GABRG2: variants seen among roughly 807,000 people sequenced by gnomAD.
The protein encoded by GABRG2 is gamma-aminobutyric acid type A receptor subunit gamma2.
GABRG2 carries 16 observed loss-of-function variants against 56.4 expected under a neutral mutation model. That is an observed-to-expected ratio of 0.28 (90% CI 0.19 to 0.43). The LOEUF (loss-of-function observed/expected upper bound fraction) is 0.43, where lower values mean the gene tolerates loss of function less well. Ranked by LOEUF, GABRG2 falls within the 20% of genes least tolerant of loss-of-function variation. The pLI is 1.00. For missense variants in GABRG2, 327 were observed against 582.7 expected (o/e 0.56, Z 4.52); for synonymous variants, 208 against 205.5 (o/e 1.01, Z -0.10).
intron 1 of GABRG2, among the ~76,000 whole-genome samples, chr5:162,089,332 T>C (rs978338442): frequency 6.6e-6 from 1 of 152,104 alleles, no homozygotes; most frequent in Non-Finnish European, 1.5e-5. Context: ...CCCTACAGCC[T>C]TGTGAGAATC....
intron 6 of GABRG2, among the ~76,000 whole-genome samples, chr5:162,119,091 A>T (rs892084874): frequency 6.6e-6 from 1 of 152,134 alleles, no homozygotes; most frequent in East Asian, 1.9e-4. Context: ...ACTTTCAGAT[A>T]AGGAATATAG....
At chr5:162,071,788 C>T (rs184447563) in intron 1 of GABRG2, among the ~76,000 whole-genome samples, 22 of 151,958 alleles carry the variant, frequency 1.4e-4, no homozygotes, top group East Asian at 1.4e-3. Flanking sequence ...ATTTCCTCAG[C>T]GTACTAAATT....
intron 7 of GABRG2, among the ~76,000 whole-genome samples, chr5:162,148,467 A>T (rs1290761907): frequency 6.6e-6 from 1 of 152,228 alleles, no homozygotes; most frequent in South Asian, 2.1e-4. Flanking sequence ...AGAGCATGTC[A>T]CTTACACATA....
chr5:162,125,863 TAGAGTATA>T (rs1175070065), intron 6 of GABRG2, among the ~76,000 whole-genome samples: 1 of 151,878 alleles, frequency 6.6e-6, no homozygotes, highest in Non-Finnish European at 1.5e-5. Flanking sequence ...TTTGGAATGC[TAGAGTATA>T]AGAGTATAAG....
chr5:162,134,432 C>T (rs916199974), intron 6 of GABRG2, among the ~76,000 whole-genome samples: 2 of 152,096 alleles, frequency 1.3e-5, no homozygotes, highest in African/African-American at 4.8e-5. Flanking sequence ...ACGTACCATC[C>T]TATGTGCCAG....
intron 6 of GABRG2, among the ~76,000 whole-genome samples, chr5:162,113,438 C>G (rs1762394758): frequency 6.6e-6 from 1 of 152,158 alleles, no homozygotes; most frequent in East Asian, 1.9e-4. Flanking sequence ...AAGTTCTATT[C>G]TCTTAAAATT....
intron 7 of GABRG2, among the ~76,000 whole-genome samples, chr5:162,148,542 G>A (rs1765126017): frequency 6.6e-6 from 1 of 152,124 alleles, no homozygotes; most frequent in African/African-American, 2.4e-5. Context: ...AATGTAAACT[G>A]TCTGCATGTG....
At chr5:162,113,707 A>G (rs1484792687) in intron 6 of GABRG2, among the ~76,000 whole-genome samples, 1 of 152,202 alleles carries the variant, frequency 6.6e-6, no homozygotes. Flanking sequence ...CATTACATCT[A>G]TTGTTCATTG....
chr5:162,093,785 G>T (rs886796453), intron 1 of GABRG2, 43 bp from the exon 2 acceptor site: 2 of 1,582,226 alleles, frequency 1.3e-6, no homozygotes, highest in Admixed American at 3.3e-5. Context: ...AAGTCAACTT[G>T]TGTGTAATCT....
intron 1 of GABRG2, among the ~76,000 whole-genome samples, chr5:162,079,995 C>T (rs1759521693): frequency 6.6e-6 from 1 of 151,986 alleles, no homozygotes; most frequent in African/African-American, 2.4e-5. Context: ...TTCATTTTTC[C>T]CCTGAAATAA....
intron 1 of GABRG2, among the ~76,000 whole-genome samples, chr5:162,072,590 CTA>C (rs1281835370): frequency 2.0e-5 from 3 of 151,950 alleles, no homozygotes; most frequent in East Asian, 3.9e-4. Flanking sequence ...GATCAGACAC[CTA>C]TGTGACCTCT....
chr5:162,093,676 T>C (rs111921124), intron 1 of GABRG2, 152 bp from the exon 2 acceptor site: 10 of 729,146 alleles, frequency 1.4e-5, no homozygotes, highest in African/African-American at 7.0e-5. Context: ...TCTCCATCTA[T>C]GCAGTTTAAT....
chr5:162,132,168 C>A (rs1021528435), intron 6 of GABRG2, among the ~76,000 whole-genome samples: 12 of 148,348 alleles, frequency 8.1e-5, no homozygotes, highest in African/African-American at 2.9e-4. Context: ...CTTAAAATAA[C>A]CTCCTAATAT....
At chr5:162,069,415 T>G (rs963235132) in intron 1 of GABRG2, among the ~76,000 whole-genome samples, 3 of 152,150 alleles carry the variant, frequency 2.0e-5, no homozygotes, top group African/African-American at 7.2e-5. Flanking sequence ...CAATCTTACA[T>G]GGTAGTTGTA....
At chr5:162,085,383 G>A (rs1353029289) in intron 1 of GABRG2, among the ~76,000 whole-genome samples, 1 of 151,802 alleles carries the variant, frequency 6.6e-6, no homozygotes, top group Non-Finnish European at 1.5e-5. Context: ...AGATAAATGA[G>A]AAATATTCCA....
intron 6 of GABRG2, among the ~76,000 whole-genome samples, chr5:162,137,610 A>G (rs1764230049): frequency 6.6e-6 from 1 of 152,122 alleles, no homozygotes; most frequent in Non-Finnish European, 1.5e-5. Flanking sequence ...TGTACTGGTC[A>G]TATTAGCCTT....
intron 6 of GABRG2, among the ~76,000 whole-genome samples, chr5:162,113,987 G>T (rs146948310): frequency 6.6e-6 from 1 of 152,292 alleles, no homozygotes; most frequent in East Asian, 1.9e-4. Context: ...GGTAAAGTCA[G>T]AGCTTCTGAA....
At chr5:162,090,469 G>A (rs887918018) in intron 1 of GABRG2, among the ~76,000 whole-genome samples, 3 of 151,974 alleles carry the variant, frequency 2.0e-5, no homozygotes, top group African/African-American at 4.8e-5. Context: ...TTCTGATTCC[G>A]GGGTCTGGGT....
At chr5:162,105,719 C>T (rs773288372) in intron 6 of GABRG2, among the ~76,000 whole-genome samples, 8 of 151,732 alleles carry the variant, frequency 5.3e-5, no homozygotes, top group East Asian at 1.9e-4. Flanking sequence ...CAAGAGCCAC[C>T]GCGCCCGGCC....
Sources: gnomAD v4.1 joint callset for allele counts (sites outside exome capture counted in the v4.1 genomes callset) on GRCh38, gnomAD v4.1.1 for gene constraint, MANE v1.5 for transcripts, NCBI Gene and HGNC (gene_info 2026-07-23, HGNC 2026-07-21) for gene names.